The following CYTH3 variants were observed in gnomAD, a reference collection of about 807,000 sequenced individuals.
CYTH3 encodes cytohesin 3, also known as cytohesin-3.
Under a neutral mutation model 55.1 loss-of-function variants are expected in CYTH3, and 23 were observed. The ratio of observed to expected loss-of-function variants is 0.42; its 90% confidence interval spans 0.30 to 0.59. The LOEUF (loss-of-function observed/expected upper bound fraction) is 0.59, where lower values mean the gene tolerates loss of function less well. CYTH3 is among the 20% of genes least tolerant of loss of function. CYTH3 has a pLI of 0.20. For missense variants in CYTH3, 413 were observed against 524.8 expected (o/e 0.79, Z 2.08); for synonymous variants, 249 against 194.9 (o/e 1.28, Z -2.31).
chr7:6,181,843 C>T (rs916871886), intron 4 of CYTH3, among the ~76,000 whole-genome samples: 3 of 152,200 alleles, frequency 2.0e-5, no homozygotes, highest in Admixed American at 6.5e-5. Flanking sequence ...GTCCACTCTT[C>T]AGCCACGTCT....
chr7:6,164,954 T>C lies in CYTH3; in HGVS notation c.1190A>G (p.Asn397Ser). The C allele has an allele frequency of 6.2e-7, 1 of 1,614,260 alleles. No individual in the cohort carries two copies. Among genetic ancestry groups the C allele is most frequent in the Non-Finnish European group, 8.5e-7 (1 of 1,180,046 alleles). The change falls in exon 13 of 13, where the codon AAT (asparagine) becomes AGT (serine). Residue 397 changes from asparagine to serine, a missense_variant. Asn to Ser is a conservative substitution (Grantham distance 46, BLOSUM62 1). Around this residue, in one of 4 missense-constraint regions of CYTH3, gnomAD observed 98 missense variants for 115.2 expected, o/e 0.85. Coordinates refer to ENST00000350796, the MANE Select transcript of CYTH3 (RefSeq NM_004227.4). Reference protein sequence around the residue: ...MLATRKRRIANKK With the variant: ...MLATRKRRIASKK ...TTTTAGCCAGGAAAGCTATTTTTTA[T>C]TGGCAATCCTTCGTTTCCTCGTTGC...
At chr7:6,185,520 C>T (rs1223980840) in intron 4 of CYTH3, among the ~76,000 whole-genome samples, 2 of 151,948 alleles carry the variant, frequency 1.3e-5, no homozygotes, top group East Asian at 3.9e-4. Flanking sequence ...CACAGTGAAA[C>T]CCCGTCTCTA....
chr7:6,198,949 T>G (rs1174655195), intron 1 of CYTH3, among the ~76,000 whole-genome samples: 1 of 152,196 alleles, frequency 6.6e-6, no homozygotes, highest in African/African-American at 2.4e-5. Context: ...GACACACTGG[T>G]TTATTTCTAA....
chr7:6,216,392 A>T (rs1046445166), intron 1 of CYTH3, among the ~76,000 whole-genome samples: 1 of 152,054 alleles, frequency 6.6e-6, no homozygotes, highest in African/African-American at 2.4e-5. Flanking sequence ...CATATATGCA[A>T]ACATACACCT....
At chr7:6,252,476 C>T (rs1779997031) in intron 1 of CYTH3, among the ~76,000 whole-genome samples, 1 of 152,180 alleles carries the variant, frequency 6.6e-6, no homozygotes, top group South Asian at 2.1e-4. Context: ...TTAAATCAGT[C>T]ATCTGAAAGG....
At chr7:6,214,830 G>C (rs575891427) in intron 1 of CYTH3, among the ~76,000 whole-genome samples, 1 of 151,896 alleles carries the variant, frequency 6.6e-6, no homozygotes, top group Non-Finnish European at 1.5e-5. Flanking sequence ...ATGCCAAAGC[G>C]AATATTCGCT....
chr7:6,233,410 A>G (rs1779436196), intron 1 of CYTH3, among the ~76,000 whole-genome samples: 1 of 152,150 alleles, frequency 6.6e-6, no homozygotes, highest in Non-Finnish European at 1.5e-5. Context: ...ACAGTAAATG[A>G]CTTTGGGAGG....
At chr7:6,228,870 T>G (rs1005208239) in intron 1 of CYTH3, among the ~76,000 whole-genome samples, 11 of 152,240 alleles carry the variant, frequency 7.2e-5, no homozygotes, top group African/African-American at 2.7e-4. Context: ...ATATCTAATT[T>G]TGTTAGACAT....
intron 1 of CYTH3, among the ~76,000 whole-genome samples, chr7:6,203,885 A>AT (rs1199020894): frequency 1.3e-5 from 2 of 151,988 alleles, no homozygotes; most frequent in Admixed American, 6.6e-5. Flanking sequence ...TGCCCGGCTA[A>AT]TTTTTTTATT....
chr7:6,236,906 G>C (rs10225150), intron 1 of CYTH3, among the ~76,000 whole-genome samples: 2 of 152,182 alleles, frequency 1.3e-5, no homozygotes, highest in Non-Finnish European at 2.9e-5. Flanking sequence ...ATATGAAGTA[G>C]TGTTTCAAAG....
chr7:6,257,695 C>A (rs181338042), intron 1 of CYTH3, among the ~76,000 whole-genome samples: 2 of 152,140 alleles, frequency 1.3e-5, no homozygotes, highest in Non-Finnish European at 2.9e-5. Context: ...CACTCTATGG[C>A]GAGGAGATCC....
At chr7:6,211,070 G>A (rs1399594134) in intron 1 of CYTH3, among the ~76,000 whole-genome samples, 1 of 152,050 alleles carries the variant, frequency 6.6e-6, no homozygotes, top group Admixed American at 6.6e-5. Context: ...ATGACTTCCC[G>A]CTGGGTTCAG....
rs946383113 is a variant in CYTH3 at position 6,218,577 on chromosome 7, G to C, written c.35-28046C>G. ...CTCGGGAAACAAATACAGAACTAGG[G>C]TGCAGCTATAACAAATACCTAAAAA... On this transcript the variant is annotated intron_variant, in intron 1 of 12. Coordinates refer to ENST00000350796, the MANE Select transcript of CYTH3 (RefSeq NM_004227.4). Among the ~76,000 whole-genome samples the C allele has an allele frequency of 4.6e-5, 7 of 152,266 alleles. No individual in the cohort carries two copies. The South Asian group carries it at 6.2e-4, about 14-fold the overall frequency.
intron 4 of CYTH3, among the ~76,000 whole-genome samples, chr7:6,185,167 C>T (rs1783603783): frequency 6.6e-6 from 1 of 152,216 alleles, no homozygotes; most frequent in African/African-American, 2.4e-5. Context: ...TTCATTCCAT[C>T]TTGGAGATGA....
intron 5 of CYTH3, 152 bp downstream of exon 5, chr7:6,177,671 C>T (rs1437474962): frequency 4.7e-6 from 3 of 636,584 alleles, no homozygotes; most frequent in African/African-American, 1.8e-5. Flanking sequence ...GCACTGGGCT[C>T]GCTTGGTATT....
chr7:6,260,853 C>A (rs1415445627), intron 1 of CYTH3, among the ~76,000 whole-genome samples: 3 of 152,170 alleles, frequency 2.0e-5, no homozygotes, highest in African/African-American at 7.2e-5. Flanking sequence ...ATGTTTATCT[C>A]CTACCCAAAT....
intron 1 of CYTH3, among the ~76,000 whole-genome samples, chr7:6,246,481 G>A (rs1219193607): frequency 1.3e-5 from 2 of 152,006 alleles, no homozygotes; most frequent in African/African-American, 2.4e-5. Context: ...CTCCTCCAGC[G>A]AGGAATGCAT....
intron 1 of CYTH3, among the ~76,000 whole-genome samples, chr7:6,223,738 T>C (rs1779155843): frequency 6.6e-6 from 1 of 151,502 alleles, no homozygotes; most frequent in South Asian, 2.1e-4. Flanking sequence ...TAGAGACTTT[T>C]GTTCACGTGT....
chr7:6,220,675 A>G (rs2128551332), intron 1 of CYTH3, among the ~76,000 whole-genome samples: 1 of 152,016 alleles, frequency 6.6e-6, no homozygotes, highest in East Asian at 1.9e-4. Context: ...AGCCCTCCGG[A>G]AAACAATTTG....
Sources: allele counts gnomAD v4.1 joint callset (sites outside exome capture counted in the v4.1 genomes callset), GRCh38; gene constraint gnomAD v4.1.1; regional missense constraint gnomAD v4.1.1; transcripts MANE v1.5; gene names NCBI Gene and HGNC (gene_info 2026-07-23, HGNC 2026-07-21).